PDZK1: variants seen among roughly 807,000 people sequenced by gnomAD.
PDZK1 encodes the protein PDZ domain containing 1.
A neutral mutation model predicts 38.1 loss-of-function variants in PDZK1; 23 were observed. The ratio of observed to expected loss-of-function variants is 0.60; its 90% CI spans 0.43 to 0.85. PDZK1 has a LOEUF of 0.85. PDZK1 is among the 40% of genes least tolerant of loss of function. The pLI is 0.00. For synonymous variants in PDZK1, 98 were observed against 186.2 expected, an observed-to-expected ratio of 0.53 and a Z score of 3.86; for missense variants, 297 against 504.3, an observed-to-expected ratio of 0.59 and a Z score of 3.94.
At position 145,675,803 on chromosome 1, in the gene PDZK1, G is replaced by A. The variant is rs1460011445; in HGVS notation, c.991-1922C>T. 8.7e-4 allele frequency among the ~76,000 whole-genome samples: 132 copies of A among 151,480 alleles called. 1 individual carries two copies. The highest frequency in any genetic ancestry group is 3.1e-3 in the African/African-American group (129 of 41,306). ...AGTACAAGGTGGGCGGATCACTTGAGGTCAGGAGTTCGAGACCAGCCTGGC... is the reference window on the plus strand; with the variant it reads ...AGTACAAGGTGGGCGGATCACTTGAAGTCAGGAGTTCGAGACCAGCCTGGC... On this transcript the variant is annotated intron_variant, in intron 6 of 8. Transcript: ENST00000417171.
intron 1 of PDZK1, among the ~76,000 whole-genome samples, chr1:145,692,154 G>A (rs1463469452): frequency 6.6e-6 from 1 of 152,152 alleles, no homozygotes; most frequent in African/African-American, 2.4e-5. Context: ...TATGACCTCT[G>A]GATCTGGCAA....
At chr1:145,702,480 A>AC (rs587755524) in intron 1 of PDZK1, among the ~76,000 whole-genome samples, 2,197 of 150,044 alleles carry the variant, frequency 0.015, 24 homozygotes, top group Middle Eastern at 0.034. Flanking sequence ...TTGCATTTCT[A>AC]CCCCCCCACT....
rs1191419483 is a variant in PDZK1 at position 145,696,765 on chromosome 1, C to T, written c.-2-8742G>A. On this transcript the variant is annotated intron_variant, in intron 1 of 8. Coordinates refer to ENST00000417171, the MANE Select transcript of PDZK1 (RefSeq NM_001201325.2). Reference sequence around the variant, plus strand: ...TTGAAAGGGAATGTGTCAAAGGAAACTAATTCATGCTTTGATGACTGGCAG... The same window carrying T: ...TTGAAAGGGAATGTGTCAAAGGAAATTAATTCATGCTTTGATGACTGGCAG... Among the ~76,000 whole-genome samples the T allele has an allele frequency of 2.0e-5, 3 of 152,192 alleles. 1 individual carries two copies. The highest frequency in any genetic ancestry group is 3.8e-4 in the East Asian group (2 of 5,198).
intron 1 of PDZK1, among the ~76,000 whole-genome samples, chr1:145,688,243 C>T (rs938939204): frequency 1.3e-5 from 2 of 152,056 alleles, no homozygotes; most frequent in Admixed American, 6.6e-5. Flanking sequence ...TTCAGACCCA[C>T]GTATTTTTTA....
chr1:145,684,565 A>C (rs1388296552), intron 3 of PDZK1, among the ~76,000 whole-genome samples: 1 of 152,206 alleles, frequency 6.6e-6, no homozygotes, highest in African/African-American at 2.4e-5. Flanking sequence ...GGTGTGTGTC[A>C]TATTTTGATA....
chr1:145,695,452 A>G (rs1235700385), intron 1 of PDZK1, among the ~76,000 whole-genome samples: 3 of 151,320 alleles, frequency 2.0e-5, no homozygotes, highest in East Asian at 2.0e-4. Context: ...GAGAGAGAGA[A>G]AGAGGAGAGC....
chr1:145,676,110 C>G (rs1571577776), intron 6 of PDZK1: 1 of 597,984 alleles, frequency 1.7e-6, no homozygotes, highest in East Asian at 1.4e-4. Flanking sequence ...GTTTTACTCA[C>G]TGATGTATCT....
At chr1:145,700,391 G>T (rs1043965984) in intron 1 of PDZK1, among the ~76,000 whole-genome samples, 1 of 152,154 alleles carries the variant, frequency 6.6e-6, no homozygotes, top group African/African-American at 2.4e-5. Context: ...GAGTTCCACC[G>T]CCTGGAGTGG....
chr1:145,671,470 T>C lies in PDZK1; in HGVS notation c.1526A>G (p.His509Arg). Residue 509 changes from histidine to arginine, a missense_variant, in exon 9 of 9, where the codon CAT becomes CGT. His to Arg is a conservative substitution (Grantham distance 29). Transcript: ENST00000417171. ...AKERAHSTAS[H>R]SSSNSEDTEM ...TGTATCTTCAGAATTGGAAGAAGAA[T>C]GTGAGGCTGTACTGTGGGCCTGTGT... 3 of 1,574,408 alleles carry C rather than the reference T, an allele frequency of 1.9e-6. No homozygotes were observed. The highest frequency in any genetic ancestry group is 2.2e-5 in the East Asian group (1 of 44,540).
intron 5 of PDZK1, among the ~76,000 whole-genome samples, chr1:145,680,169 ATC>A (rs1278617785): frequency 6.6e-6 from 1 of 152,122 alleles, no homozygotes; most frequent in African/African-American, 2.4e-5. Context: ...TTATGGACAT[ATC>A]TCTTATCTAC....
intron 1 of PDZK1, among the ~76,000 whole-genome samples, chr1:145,702,985 T>C (rs1164005337): frequency 3.3e-5 from 5 of 152,108 alleles, no homozygotes; most frequent in South Asian, 2.1e-4. Context: ...CAAGCCCCAA[T>C]TGGTCTATGC....
chr1:145,677,933 A>C (rs1234027436), intron 6 of PDZK1, among the ~76,000 whole-genome samples: 2 of 150,338 alleles, frequency 1.3e-5, no homozygotes, highest in African/African-American at 2.5e-5. Flanking sequence ...AAAAAAAAAA[A>C]AAAAAACCTT....
intron 1 of PDZK1, among the ~76,000 whole-genome samples, chr1:145,698,774 C>CA (rs1428157930): frequency 1.3e-5 from 2 of 151,692 alleles, no homozygotes; most frequent in Admixed American, 6.6e-5. Context: ...CCTAAAAACA[C>CA]AAAAAACATT....
At chr1:145,690,430 C>A (rs797026986) in intron 1 of PDZK1, among the ~76,000 whole-genome samples, 3 of 152,244 alleles carry the variant, frequency 2.0e-5, no homozygotes, top group African/African-American at 7.2e-5. Context: ...TGAATAGGAT[C>A]ATTTCAGATA....
At position 145,682,644 on chromosome 1, in the gene PDZK1, A is replaced by G. The variant is rs1553700632; in HGVS notation, c.461-8T>C. 5 of 1,611,998 alleles carry G rather than the reference A, an allele frequency of 3.1e-6. No homozygotes were observed. The highest frequency in any genetic ancestry group is 2.5e-6 in the Non-Finnish European group (3 of 1,179,832). On this transcript the variant is annotated splice_polypyrimidine_tract_variant and splice_region_variant and intron_variant, in intron 3 of 8. Coordinates refer to ENST00000417171, the MANE Select transcript of PDZK1 (RefSeq NM_001201325.2). ...TGTACACCCCCTTTTTACCTGGAAG[A>G]GAGTAGGGGTAAACTCCATGTGGAG...
chr1:145,703,190 C>T (rs1324936498), intron 1 of PDZK1, among the ~76,000 whole-genome samples: 4 of 152,148 alleles, frequency 2.6e-5, no homozygotes, highest in African/African-American at 9.7e-5. Flanking sequence ...TTCTGAATTT[C>T]AGTTATCGCT....
At chr1:145,705,900 G>A (rs1656218443) in intron 1 of PDZK1, among the ~76,000 whole-genome samples, 1 of 152,072 alleles carries the variant, frequency 6.6e-6, no homozygotes, top group Admixed American at 6.6e-5. Flanking sequence ...ACAGACACAT[G>A]CCACCATGCA....
intron 1 of PDZK1, among the ~76,000 whole-genome samples, chr1:145,694,801 G>A (rs1553703865): frequency 1.3e-5 from 2 of 149,710 alleles, no homozygotes; most frequent in Non-Finnish European, 3.0e-5. Context: ...GGAGGTTGAG[G>A]CAGGAGAATC....
At position 145,687,882 on chromosome 1, in the gene PDZK1, G is replaced by A; in HGVS notation, c.140C>T (p.Ala47Val). The A allele has an allele frequency of 3.1e-6, 5 of 1,613,824 alleles. No homozygotes were observed. Among genetic ancestry groups the A allele is most frequent in the Non-Finnish European group, 4.2e-6 (5 of 1,179,920 alleles). The change falls in exon 2 of 9, where the codon GCT becomes GTT. Residue 47 changes from alanine to valine, a missense_variant. Ala to Val is a moderately conservative substitution (Grantham distance 64). Around this residue, in one of 5 missense-constraint regions of PDZK1, gnomAD observed 159 missense variants for 200.0 expected, o/e 0.79. Coordinates refer to ENST00000417171, the MANE Select transcript of PDZK1 (RefSeq NM_001201325.2). The stretch of plus-strand genomic sequence containing the variant: ...AACTCTGTCTCCATCTTGAAGGCCA[G>A]CCTTCTCTGCTGGGCTACACTTCTC... ...VVEKCSPAEK[A>V]GLQDGDRVLR... is the part of the protein sequence containing the mutation.
Sources: gnomAD v4.1 joint callset for allele counts (sites outside exome capture counted in the v4.1 genomes callset) on GRCh38, gnomAD v4.1.1 for gene constraint, gnomAD v4.1.1 regional missense constraint, MANE v1.5 for transcripts, NCBI Gene and HGNC (gene_info 2026-07-23, HGNC 2026-07-21) for gene names.